Variants in UBE2K observed in about 807,000 individuals in gnomAD.
UBE2K encodes the protein ubiquitin-conjugating enzyme E2 K.
Under a neutral mutation model 30.0 loss-of-function variants are expected in UBE2K, and 6 were observed. The ratio of observed to expected loss-of-function variants is 0.20; its 90% CI spans 0.11 to 0.39. UBE2K has a LOEUF of 0.39. Ranked by LOEUF, UBE2K falls within the 10% of genes least tolerant of loss-of-function variation. UBE2K has a pLI of 1.00. For synonymous variants in UBE2K, 86 were observed against 83.7 expected (o/e 1.03, Z -0.15); for missense variants, 61 against 241.6 (o/e 0.25, Z 4.96).
chr4:39,743,518 G>A (rs1210975092), intron 2 of UBE2K, among the ~76,000 whole-genome samples: 1 of 151,728 alleles, frequency 6.6e-6, no homozygotes, highest in Non-Finnish European at 1.5e-5. Context: ...GCAGGAGAAT[G>A]GCGTGAACCC....
At chr4:39,706,726 C>T (rs1718388602) in intron 1 of UBE2K, among the ~76,000 whole-genome samples, 1 of 151,870 alleles carries the variant, frequency 6.6e-6, no homozygotes, top group South Asian at 2.1e-4. Flanking sequence ...AGCCACAATG[C>T]CCAGCCAAGA....
chr4:39,751,870 G>A (rs963216535), intron 3 of UBE2K, among the ~76,000 whole-genome samples: 2 of 152,076 alleles, frequency 1.3e-5, no homozygotes, highest in Non-Finnish European at 2.9e-5. Flanking sequence ...GGGAGACTGA[G>A]GCGGGAGAGT....
chr4:39,729,847 C>T (rs114292112), intron 1 of UBE2K, among the ~76,000 whole-genome samples: 1,696 of 152,324 alleles, frequency 0.011, 38 homozygotes, highest in African/African-American at 0.038. Flanking sequence ...ACAGCGTGTA[C>T]GCTCTGCCTT....
rs897431933 is a variant in UBE2K at position 39,739,980 on chromosome 4, G to A, written c.157+2467G>A. Among the ~76,000 whole-genome samples the A allele has an allele frequency of 4.6e-5, 7 of 152,016 alleles. No individual in the cohort carries two copies. The South Asian group carries it at 1.0e-3, about 23-fold the overall frequency. On this transcript the variant is annotated intron_variant, in intron 2 of 6. Transcript: ENST00000261427. ...TATTTAATTTTTTATGCTGTTTATC[G>A]AGTGCTTCCTATCTGCTTGGCTTGG...
intron 1 of UBE2K, among the ~76,000 whole-genome samples, chr4:39,700,850 C>T (rs1416836202): frequency 6.6e-6 from 1 of 152,038 alleles, no homozygotes; most frequent in Non-Finnish European, 1.5e-5. Context: ...TATAAGTGGC[C>T]GTTCTTAGAG....
chr4:39,705,577 A>G (rs141703262), intron 1 of UBE2K, among the ~76,000 whole-genome samples: 18 of 152,232 alleles, frequency 1.2e-4, no homozygotes, highest in Non-Finnish European at 2.4e-4. Flanking sequence ...AAAAGGCTTA[A>G]CTGGTTAGAG....
rs1390020093 is a variant in UBE2K, at chr4:39,779,291, A to G, written c.*857A>G. 1 of 152,240 alleles carries G rather than the reference A, an allele frequency of 6.6e-6. No individual in the cohort carries two copies. The highest frequency in any genetic ancestry group is 1.5e-5 in the Non-Finnish European group (1 of 68,046). The allele number at this position is 152,240 out of a possible 1,614,324, so 9.4% of individuals were successfully genotyped here. On this transcript the variant is annotated 3_prime_UTR_variant, in exon 7 of 7. Coordinates refer to ENST00000261427, the MANE Select transcript of UBE2K (RefSeq NM_005339.5). ...TTGATGTTACATTATTCCCAGGTTT[A>G]ATGAAAGAACCCAACTTAGTTTTTC...
intron 1 of UBE2K, among the ~76,000 whole-genome samples, chr4:39,729,250 C>T (rs1233514329): frequency 6.6e-6 from 1 of 152,102 alleles, no homozygotes; most frequent in Non-Finnish European, 1.5e-5. Flanking sequence ...GTATTACAGG[C>T]GTGAGCCATG....
chr4:39,727,086 T>C (rs956947025), intron 1 of UBE2K, among the ~76,000 whole-genome samples: 21 of 152,358 alleles, frequency 1.4e-4, no homozygotes, highest in African/African-American at 4.8e-4. Flanking sequence ...ACACAGTACA[T>C]GCTCAGGTTT....
At chr4:39,771,014 T>C (rs914666213) in intron 4 of UBE2K, 3 of 1,611,536 alleles carry the variant, frequency 1.9e-6, no homozygotes, top group Non-Finnish European at 2.5e-6. Context: ...CTCACAAGGC[T>C]AGCCTCACGG....
intron 2 of UBE2K, among the ~76,000 whole-genome samples, chr4:39,740,943 T>C (rs945471282): frequency 6.6e-6 from 1 of 151,696 alleles, no homozygotes; most frequent in Non-Finnish European, 1.5e-5. Context: ...TTTTTCCCGA[T>C]ACCGAGAATG....
rs1313031290 is a variant in UBE2K, at chr4:39,779,482, G to C, written c.*1048G>C. The C allele has an allele frequency of 6.6e-6, 1 of 152,574 alleles. No homozygotes were observed. Among genetic ancestry groups the C allele is most frequent in the African/African-American group, 2.4e-5 (1 of 41,428 alleles). The allele number at this position is 152,574 out of a possible 1,614,324, so 9.5% of individuals were successfully genotyped here. A position where few individuals can be genotyped will look rare whatever the true frequency, so the allele number is the denominator to read the frequency against. Reference sequence around the variant, plus strand: ...GCACTTCCCCTATTGACACATGAAAGCTGTGTTGGTGTTTTATTGTACATA... The same window carrying C: ...GCACTTCCCCTATTGACACATGAAACCTGTGTTGGTGTTTTATTGTACATA... On this transcript the variant is annotated 3_prime_UTR_variant, in exon 7 of 7. Transcript: ENST00000261427.
intron 1 of UBE2K, among the ~76,000 whole-genome samples, chr4:39,710,758 ATATCTGC>A (rs1718623549): frequency 6.6e-6 from 1 of 152,144 alleles, no homozygotes; most frequent in African/African-American, 2.4e-5. Context: ...AGTTATACTC[ATATCTGC>A]TGCTTGCTCC....
intron 1 of UBE2K, chr4:39,714,145 C>G (rs1373142456): frequency 6.5e-6 from 1 of 152,710 alleles, no homozygotes; most frequent in Non-Finnish European, 1.5e-5. Flanking sequence ...AAGTGATCCT[C>G]CCGCCTCTGC....
At chr4:39,716,646 A>C (rs924052082) in intron 1 of UBE2K, among the ~76,000 whole-genome samples, 4 of 152,014 alleles carry the variant, frequency 2.6e-5, no homozygotes, top group African/African-American at 7.2e-5. Context: ...GGATTGCTTG[A>C]GCCCAGGAGT....
In UBE2K at chr4:39,720,658, A is replaced by G. The variant is rs1159816816; in HGVS notation, c.64-16762A>G. On this transcript the variant is annotated intron_variant, in intron 1 of 6. Transcript: ENST00000261427. ...ACTTACAGGATAAATTAGAATGACC[A>G]TGATCAACTCTGTATACGTATAGAT... Among the ~76,000 whole-genome samples, 5 of 152,362 alleles carry G rather than the reference A, an allele frequency of 3.3e-5. No individual in the cohort carries two copies. In the East Asian group the frequency reaches 7.7e-4, roughly 23 times the overall value.
At chr4:39,701,513 G>A (rs556735267) in intron 1 of UBE2K, among the ~76,000 whole-genome samples, 137 of 152,146 alleles carry the variant, frequency 9.0e-4, no homozygotes, top group Non-Finnish European at 1.4e-3. Flanking sequence ...GAGATTTAGA[G>A]AAGTTAAATT....
At chr4:39,757,128 C>T (rs1213744100) in intron 4 of UBE2K, among the ~76,000 whole-genome samples, 3 of 150,326 alleles carry the variant, frequency 2.0e-5, no homozygotes, top group South Asian at 2.1e-4. Flanking sequence ...CGGGTTCAAG[C>T]GATTCTCCTG....
At position 39,751,858 on chromosome 4, in the gene UBE2K, T is replaced by C. The variant is rs909052606; in HGVS notation, c.217-3799T>C. On this transcript the variant is annotated intron_variant, in intron 3 of 6. Transcript: ENST00000261427. ...GGCGCACACACGTAGTCCCAGCTAC[T>C]GGGGAGACTGAGGCGGGAGAGTCAC... is the stretch of plus-strand genomic sequence containing the variant. Among the ~76,000 whole-genome samples, 34 of 152,064 alleles carry C rather than the reference T, an allele frequency of 2.2e-4. No homozygotes were observed. In the East Asian group the frequency reaches 6.4e-3, roughly 29 times the overall value.
Sources: gnomAD v4.1 joint callset for allele counts (sites outside exome capture counted in the v4.1 genomes callset) on GRCh38, gnomAD v4.1.1 for gene constraint, MANE v1.5 for transcripts, NCBI Gene and HGNC (gene_info 2026-07-23, HGNC 2026-07-21) for gene names.